SDK1: variants seen among roughly 807,000 people sequenced by gnomAD.
The protein encoded by SDK1 is protein sidekick-1.
Under a neutral mutation model 245.5 loss-of-function variants are expected in SDK1, and 157 were observed. The observed-to-expected ratio is 0.64, with a 90% confidence interval of 0.56 to 0.73. The LOEUF is 0.73. Ranked by LOEUF, SDK1 falls within the 30% of genes least tolerant of loss-of-function variation. The pLI, the probability that SDK1 is intolerant of heterozygous loss-of-function variation, is 0.00. For missense variants in SDK1, 3,583 were observed against 3,002.3 expected (o/e 1.19, Z -4.52); for synonymous variants, 1,647 against 1,278.5 (o/e 1.29, Z -6.15).
chr7:3,663,355 C>T (rs1255790513), intron 4 of SDK1, among the ~76,000 whole-genome samples: 1 of 152,170 alleles, frequency 6.6e-6, no homozygotes, highest in Non-Finnish European at 1.5e-5. Flanking sequence ...TTCATGCACA[C>T]ATAGTATCTG....
At chr7:3,891,202 T>C (rs1781449846) in intron 5 of SDK1, among the ~76,000 whole-genome samples, 1 of 152,192 alleles carries the variant, frequency 6.6e-6, no homozygotes. Context: ...CCTAGTGTCC[T>C]GCTGGGCAAA....
chr7:3,437,444 A>T (rs572022229), intron 1 of SDK1, among the ~76,000 whole-genome samples: 2 of 152,326 alleles, frequency 1.3e-5, no homozygotes, highest in South Asian at 4.1e-4. Flanking sequence ...TTTACAAACC[A>T]GTAATCCTCT....
At chr7:3,475,437 T>G (rs1391804326) in intron 1 of SDK1, among the ~76,000 whole-genome samples, 1 of 152,216 alleles carries the variant, frequency 6.6e-6, no homozygotes, top group Non-Finnish European at 1.5e-5. Context: ...TTTCCACCCT[T>G]GGAGCACGTC....
chr7:3,737,025 T>C (rs955529027), intron 4 of SDK1, among the ~76,000 whole-genome samples: 1 of 152,224 alleles, frequency 6.6e-6, no homozygotes, highest in Non-Finnish European at 1.5e-5. Flanking sequence ...CATACAGTAT[T>C]TGTCTCTGTC....
chr7:4,046,264 T>C lies in SDK1; in HGVS notation c.2603-3084T>C, dbSNP rs184101482. 1.6e-3 allele frequency among the ~76,000 whole-genome samples: 247 copies of C among 152,266 alleles called. 1 individual carries two copies. Among genetic ancestry groups the C allele is most frequent in the African/African-American group, 5.7e-3 (238 of 41,560 alleles). On this transcript the variant is annotated intron_variant, in intron 17 of 44. Transcript: ENST00000404826. Reference sequence around the variant, plus strand: ...GCACCCGGCCTGGATAAACGTTCTTTATTGGGTATCTGTCTTGCACACGTT... The same window carrying C: ...GCACCCGGCCTGGATAAACGTTCTTCATTGGGTATCTGTCTTGCACACGTT...
chr7:3,363,154 C>T (rs568268046), intron 1 of SDK1, among the ~76,000 whole-genome samples: 1 of 152,190 alleles, frequency 6.6e-6, no homozygotes, highest in African/African-American at 2.4e-5. Context: ...TTCCACACTG[C>T]TCGGCAACCA....
chr7:3,673,761 A>C (rs560466648), intron 4 of SDK1, among the ~76,000 whole-genome samples: 1 of 152,314 alleles, frequency 6.6e-6, no homozygotes, highest in East Asian at 1.9e-4. Context: ...TAGTCAGTTC[A>C]TTATGTGGCA....
intron 5 of SDK1, among the ~76,000 whole-genome samples, chr7:3,886,466 C>G (rs1375079973): frequency 6.6e-6 from 1 of 152,226 alleles, no homozygotes; most frequent in Non-Finnish European, 1.5e-5. Context: ...AGTAGCTTGC[C>G]TCCAGTAACA....
chr7:3,935,882 A>C (rs6980135), intron 5 of SDK1, among the ~76,000 whole-genome samples: 2,792 of 152,292 alleles, frequency 0.018, 76 homozygotes, highest in African/African-American at 0.062. Context: ...TAGCAATTCC[A>C]CTTCTGGATA....
chr7:3,319,985 C>A (rs1779761328), intron 1 of SDK1, among the ~76,000 whole-genome samples: 1 of 147,140 alleles, frequency 6.8e-6, no homozygotes, highest in South Asian at 2.2e-4. Flanking sequence ...AAATGAATTT[C>A]ACCTTGCCAA....
At chr7:3,958,168 G>C in intron 7 of SDK1, 2 of 351,064 alleles carry the variant, frequency 5.7e-6, no homozygotes, top group Non-Finnish European at 1.1e-5. Flanking sequence ...TTATCGCACA[G>C]AAAGTGAACA....
At chr7:3,573,747 G>A (rs964664779) in intron 1 of SDK1, among the ~76,000 whole-genome samples, 1 of 152,054 alleles carries the variant, frequency 6.6e-6, no homozygotes, top group South Asian at 2.1e-4. Flanking sequence ...CGTGGTGGCT[G>A]ATGTGGCCAC....
chr7:3,408,701 T>A (rs1779115670), intron 1 of SDK1, among the ~76,000 whole-genome samples: 1 of 152,208 alleles, frequency 6.6e-6, no homozygotes, highest in Non-Finnish European at 1.5e-5. Context: ...TTATTTTTTA[T>A]ATGTTGGACA....
chr7:3,861,674 A>G (rs1221329544), intron 5 of SDK1, among the ~76,000 whole-genome samples: 2 of 152,188 alleles, frequency 1.3e-5, no homozygotes, highest in African/African-American at 2.4e-5. Flanking sequence ...AGCTGTCTTC[A>G]TGAGCCTGAA....
chr7:3,492,396 A>G (rs993799190), intron 1 of SDK1, among the ~76,000 whole-genome samples: 6 of 152,244 alleles, frequency 3.9e-5, no homozygotes, highest in Admixed American at 3.9e-4. Context: ...CAGGAGGCTG[A>G]GGCAGGAGAA....
At chr7:4,195,019 C>T (rs1318771314) in intron 35 of SDK1, among the ~76,000 whole-genome samples, 1 of 152,170 alleles carries the variant, frequency 6.6e-6, no homozygotes, top group East Asian at 1.9e-4. Flanking sequence ...GACTTGTCAG[C>T]CCTAACCCAT....
At chr7:3,565,417 A>G (rs1330619504) in intron 1 of SDK1, among the ~76,000 whole-genome samples, 2 of 152,196 alleles carry the variant, frequency 1.3e-5, no homozygotes, top group Admixed American at 6.5e-5. Flanking sequence ...GCTACTTAAC[A>G]TAGCGTTTTC....
At chr7:3,543,966 A>G (rs1779131155) in intron 1 of SDK1, among the ~76,000 whole-genome samples, 1 of 152,212 alleles carries the variant, frequency 6.6e-6, no homozygotes, top group South Asian at 2.1e-4. Flanking sequence ...TTCTCTATGC[A>G]TAGATTATTA....
chr7:3,990,807 C>G (rs956547945), intron 14 of SDK1, among the ~76,000 whole-genome samples: 2 of 152,224 alleles, frequency 1.3e-5, no homozygotes, highest in Admixed American at 6.5e-5. Flanking sequence ...GGCATTCTAC[C>G]TTCCCCCGTT....
Sources: allele counts gnomAD v4.1 joint callset (sites outside exome capture counted in the v4.1 genomes callset), GRCh38; gene constraint gnomAD v4.1.1; transcripts MANE v1.5; gene names NCBI Gene and HGNC (gene_info 2026-07-23, HGNC 2026-07-21).